Variants in RARS2 observed in about 807,000 individuals in gnomAD.
The protein encoded by RARS2 is arginyl-tRNA synthetase 2, mitochondrial, also known as probable arginine--tRNA ligase, mitochondrial.
Under a neutral mutation model 88.5 loss-of-function variants are expected in RARS2, and 67 were observed. The observed-to-expected ratio is 0.76, with a 90% CI of 0.62 to 0.93. The LOEUF (loss-of-function observed/expected upper bound fraction) is 0.93. RARS2 is among the 40% of genes least tolerant of loss of function. The pLI, the probability that RARS2 is intolerant of heterozygous loss-of-function variation, is 0.00. For missense variants in RARS2, 664 were observed against 684.2 expected (o/e 0.97, Z 0.33); for synonymous variants, 239 against 230.3 (o/e 1.04, Z -0.34).
intron 6 of RARS2, among the ~76,000 whole-genome samples, chr6:87,546,632 C>T (rs1420157911): frequency 6.6e-6 from 1 of 152,178 alleles, no homozygotes; most frequent in Non-Finnish European, 1.5e-5. Flanking sequence ...GACAAGGTTC[C>T]ATAGTGCAGT....
chr6:87,550,890 T>C (rs184269191), intron 5 of RARS2, among the ~76,000 whole-genome samples: 3 of 151,402 alleles, frequency 2.0e-5, no homozygotes, highest in Non-Finnish European at 4.4e-5. Flanking sequence ...TCTAGGAGGG[T>C]GAATAAAACA....
At chr6:87,533,176 C>G (rs1231864606) in intron 8 of RARS2, among the ~76,000 whole-genome samples, 2 of 151,312 alleles carry the variant, frequency 1.3e-5, no homozygotes, top group South Asian at 2.1e-4. Flanking sequence ...ACTCAAATAA[C>G]CAAACATTTA....
intron 11 of RARS2, among the ~76,000 whole-genome samples, chr6:87,522,673 T>G (rs1355812332): frequency 6.6e-6 from 1 of 152,198 alleles, no homozygotes; most frequent in Non-Finnish European, 1.5e-5. Flanking sequence ...GTGTTTTTAG[T>G]AGAAATGGGG....
chr6:87,576,943 T>C (rs1380133010), intron 1 of RARS2, among the ~76,000 whole-genome samples: 1 of 152,210 alleles, frequency 6.6e-6, no homozygotes, highest in South Asian at 2.1e-4. Flanking sequence ...TCAAAGCAGA[T>C]AATTTAACGG....
chr6:87,587,184 T>C (rs1203370877), intron 1 of RARS2, among the ~76,000 whole-genome samples: 1 of 152,144 alleles, frequency 6.6e-6, no homozygotes, highest in East Asian at 1.9e-4. Flanking sequence ...CATACCCAGC[T>C]CCTAATCTGA....
chr6:87,521,222 C>A (rs1773731310), intron 12 of RARS2, among the ~76,000 whole-genome samples: 1 of 152,076 alleles, frequency 6.6e-6, no homozygotes, highest in South Asian at 2.1e-4. Context: ...ATTATAGTGA[C>A]CTGTATATAT....
chr6:87,589,835 G>C, intron 1 of RARS2, 87 bp downstream of exon 1: 1 of 1,613,692 alleles, frequency 6.2e-7, no homozygotes, highest in African/African-American at 1.3e-5. Flanking sequence ...CCACCCTCCA[G>C]CTGACTGAGG....
At chr6:87,575,225 G>GCACACACACACACACACACACA (rs58168335) in intron 1 of RARS2, among the ~76,000 whole-genome samples, 13 of 114,644 alleles carry the variant, frequency 1.1e-4, no homozygotes, top group East Asian at 2.7e-4. Flanking sequence ...AAAATAGAAA[G>GCACACACACACACACACACACA]CACACACACA....
chr6:87,559,926 G>C (rs1043822474), intron 4 of RARS2, among the ~76,000 whole-genome samples: 1 of 152,150 alleles, frequency 6.6e-6, no homozygotes, highest in Non-Finnish European at 1.5e-5. Context: ...GACATGTTAA[G>C]ATACAAATAC....
At position 87,521,474 on chromosome 6, in the gene RARS2, A is replaced by T. The variant is rs1209730474; in HGVS notation, c.1025T>A (p.Met342Lys). ...GTTCTGATTACTTACCACATATATC[A>T]TTGTATCAAAATTATACTTGTCCAT... The part of the protein sequence containing the change: ...DRMDKYNFDT[M>K]IYVTDKGQKK... The change falls in exon 12 of 20, where the codon ATG (methionine) becomes AAG (lysine). Residue 342 changes from methionine to lysine, a missense_variant. Physicochemically the swap from Met to Lys is moderately conservative, Grantham distance 95 (BLOSUM62 -1). Coordinates refer to ENST00000369536, the MANE Select transcript of RARS2 (RefSeq NM_020320.5). 5.0e-6 allele frequency: 8 copies of T among 1,606,558 alleles called. No homozygotes were observed. The highest frequency in any genetic ancestry group is 6.0e-6 in the Non-Finnish European group (7 of 1,173,554).
At chr6:87,516,986 G>C in intron 17 of RARS2, 106 bp from the exon 18 acceptor site, 1 of 1,521,666 alleles carries the variant, frequency 6.6e-7, no homozygotes, top group Non-Finnish European at 8.9e-7. Flanking sequence ...ACGATTAAGA[G>C]TAGAAGGTAT....
intron 10 of RARS2, among the ~76,000 whole-genome samples, chr6:87,528,360 A>G (rs963972235): frequency 7.2e-5 from 11 of 152,194 alleles, no homozygotes; most frequent in African/African-American, 2.7e-4. Context: ...AGGTTCCTCA[A>G]AAAACAGAAA....
At chr6:87,571,860 G>A (rs1049448268) in intron 1 of RARS2, among the ~76,000 whole-genome samples, 6 of 152,046 alleles carry the variant, frequency 3.9e-5, no homozygotes, top group African/African-American at 1.4e-4. Flanking sequence ...ACTTTGGCTT[G>A]GTACAGATTG....
intron 1 of RARS2, among the ~76,000 whole-genome samples, chr6:87,570,511 C>T (rs572241676): frequency 1.3e-5 from 2 of 152,046 alleles, no homozygotes; most frequent in Admixed American, 6.6e-5. Flanking sequence ...CTCCATCTCC[C>T]GGGTTCAAGC....
intron 1 of RARS2, among the ~76,000 whole-genome samples, chr6:87,571,908 T>C (rs1769870047): frequency 6.6e-6 from 1 of 152,192 alleles, no homozygotes; most frequent in African/African-American, 2.4e-5. Flanking sequence ...AATATTTTTA[T>C]TTTCTAGACT....
At chr6:87,566,025 C>T (rs1323139974) in intron 2 of RARS2, among the ~76,000 whole-genome samples, 1 of 152,174 alleles carries the variant, frequency 6.6e-6, no homozygotes, top group Non-Finnish European at 1.5e-5. Flanking sequence ...CTATGTATTA[C>T]ACTTTGGCCA....
chr6:87,518,013 T>G (rs1253736509), intron 17 of RARS2, among the ~76,000 whole-genome samples, 156 bp downstream of exon 17: 5 of 152,182 alleles, frequency 3.3e-5, no homozygotes, highest in Non-Finnish European at 5.9e-5. Context: ...CCCTCTGTCC[T>G]CAAAATGCAA....
Position 87,569,605 on chromosome 6 carries a change from G to A in RARS2, c.37-15C>T, listed in dbSNP as rs1241177516. The A allele has an allele frequency of 6.4e-7, 1 of 1,572,200 alleles. No homozygotes were observed. Among genetic ancestry groups the A allele is most frequent in the Non-Finnish European group, 8.8e-7 (1 of 1,142,368 alleles). ...ACTCTGGAAAGCTAAAAATCAAAAAGAACAAAACAGTGTAAGATTGTTCAC... is the reference window on the plus strand; with the variant it reads ...ACTCTGGAAAGCTAAAAATCAAAAAAAACAAAACAGTGTAAGATTGTTCAC... On this transcript the variant is annotated splice_polypyrimidine_tract_variant and intron_variant, in intron 1 of 19. Coordinates refer to ENST00000369536, the MANE Select transcript of RARS2 (RefSeq NM_020320.5).
intron 7 of RARS2, 121 bp from the exon 8 acceptor site, chr6:87,542,115 T>A (rs1781188750): frequency 1.3e-6 from 1 of 743,018 alleles, no homozygotes; most frequent in African/African-American, 1.8e-5. Context: ...CTGAGAAGTA[T>A]TACAAAACAC....
Sources: gnomAD v4.1 joint callset for allele counts (sites outside exome capture counted in the v4.1 genomes callset) on GRCh38, gnomAD v4.1.1 for gene constraint, MANE v1.5 for transcripts, NCBI Gene and HGNC (gene_info 2026-07-23, HGNC 2026-07-21) for gene names.